The following FBXL8 variants were observed in gnomAD, a reference collection of about 807,000 sequenced individuals.
FBXL8 encodes F-box/LRR-repeat protein 8.
FBXL8 carries 13 observed loss-of-function variants against 8.2 expected under a neutral mutation model. The observed-to-expected ratio is 1.58, with a 90% CI of 1.03 to 2.51. FBXL8 has a LOEUF of 2.51. FBXL8 is among the 30% of genes most tolerant of loss of function. FBXL8 has a pLI of 0.00. For missense variants in FBXL8, 565 were observed against 540.4 expected, an observed-to-expected ratio of 1.05 and a Z score of -0.45; for synonymous variants, 271 against 260.5, an observed-to-expected ratio of 1.04 and a Z score of -0.39.
rs753671438 is a variant in FBXL8, at chr16:67,160,827, C to A, written c.-52+771C>A. On this transcript the variant is annotated intron_variant, in intron 1 of 2. Coordinates refer to ENST00000258200, the MANE Select transcript of FBXL8 (RefSeq NM_018378.3). ...CAGGGTGGGTCTGCGGAGTTCCAGCCGAACCCAAATTGCTCAGCGGGAGCC... is the reference window on the plus strand; with the variant it reads ...CAGGGTGGGTCTGCGGAGTTCCAGCAGAACCCAAATTGCTCAGCGGGAGCC... 1.3e-4 allele frequency among the ~76,000 whole-genome samples: 20 copies of A among 152,262 alleles called. 1 individual carries two copies. The highest frequency in any genetic ancestry group is 2.5e-4 in the Non-Finnish European group (17 of 68,042).
In FBXL8 at chr16:67,163,686, C is replaced by A. The variant is rs746168605; in HGVS notation, c.991C>A (p.Arg331Ser). The A allele has an allele frequency of 4.4e-6, 7 of 1,586,354 alleles. No homozygotes were observed. Among genetic ancestry groups the A allele is most frequent in the Non-Finnish European group, 6.0e-6 (7 of 1,174,148 alleles). The change falls in exon 3 of 3, where the codon CGC (arginine) becomes AGC (serine). Residue 331 changes from arginine to serine, a missense_variant. Physicochemically the swap from Arg to Ser is moderately radical, Grantham distance 110. Transcript: ENST00000258200. ...GCTGGCGGCGCGCTGCGCGGCCCTGCGCGAGGTGCATTGTTTCTGCGTGGT... is the reference window on the plus strand; with the variant it reads ...GCTGGCGGCGCGCTGCGCGGCCCTGAGCGAGGTGCATTGTTTCTGCGTGGT... ...EELAARCAAL[R>S]EVHCFCVVSH...
rs762161864 is a variant in FBXL8 at position 67,163,726 on chromosome 16, T to C, written c.1031T>C (p.Leu344Pro). The C allele has an allele frequency of 4.4e-6, 7 of 1,596,468 alleles. No homozygotes were observed. Among genetic ancestry groups the C allele is most frequent in the African/African-American group, 4.0e-5 (3 of 74,560 alleles). The stretch of plus-strand genomic sequence containing the variant: ...TTCTGCGTGGTGAGCCACTCGGTGC[T>C]GGACGCCTTCCGCGCGCACTGCCCG... ...HCFCVVSHSV[L>P]DAFRAHCPRL... The change falls in exon 3 of 3, where the codon CTG becomes CCG. Residue 344 changes from leucine (L) to proline (P), a missense_variant. Leu to Pro is a moderately conservative substitution (Grantham distance 98, BLOSUM62 -3). Coordinates refer to ENST00000258200, the MANE Select transcript of FBXL8 (RefSeq NM_018378.3).
At chr16:67,161,606 G>A (rs2030905207) in intron 1 of FBXL8, 129 bp from the exon 2 acceptor site, 1 of 644,526 alleles carries the variant, frequency 1.6e-6, no homozygotes, top group African/African-American at 1.9e-5. Context: ...AAGTTTCGGG[G>A]TTATCTGATG....
At position 67,160,052 on chromosome 16, in the gene FBXL8, A is replaced by G. The variant is rs2030849267; in HGVS notation, c.-56A>G. On this transcript the variant is annotated 5_prime_UTR_variant, in exon 1 of 3. Transcript: ENST00000258200. ...CGGGCAAAGCCCATCTGGTCCGCCG[A>G]GCAGGTAAGACACCAGCGCCCAAGG... 1 of 152,198 alleles carries G rather than the reference A, an allele frequency of 6.6e-6. No individual in the cohort carries two copies. Among genetic ancestry groups the G allele is most frequent in the African/African-American group, 2.4e-5 (1 of 41,448 alleles). 9.4% of individuals were successfully genotyped at this position (152,198 alleles called of 1,614,324 possible).
In FBXL8 at chr16:67,163,802, G is replaced by A. The variant is rs772347492; in HGVS notation, c.1107G>A (p.Arg369=). Residue 369 remains arginine, a synonymous_variant, in exon 3 of 3, where the codon AGG becomes AGA. Transcript: ENST00000258200. ...TCACGCGCGAGCCGCATCCCTGGAG[G>A]CCTACGCTCGTGGCGTGATTGGGCG... ...LKLTREPHPW[R]PTLVA is the part of the protein sequence containing the mutation. 6.4e-7 allele frequency: 1 copy of A among 1,557,338 alleles called. No individual in the cohort carries two copies. The highest frequency in any genetic ancestry group is 1.2e-5 in the South Asian group (1 of 85,340).
chr16:67,161,984 C>T, intron 2 of FBXL8, 47 bp downstream of exon 2: 1 of 1,539,616 alleles, frequency 6.5e-7, no homozygotes, highest in Non-Finnish European at 8.8e-7. Flanking sequence ...CACTCACCTT[C>T]TCCGTGGAGT....
Position 67,163,630 on chromosome 16 carries a change from C to G in FBXL8, c.935C>G (p.Ala312Gly). Residue 312 changes from alanine (A) to glycine (G), a missense_variant, in exon 3 of 3, where the codon GCT (alanine) becomes GGT (glycine). Coordinates refer to ENST00000258200, the MANE Select transcript of FBXL8 (RefSeq NM_018378.3). ...TGCGCGCTCGAGGTGCGCGCAGCCG[C>G]TTCGGCCGAGCTGAACGCCGCGCTG... is the stretch of plus-strand genomic sequence containing the variant. ...TLCALEVRAA[A>G]SAELNAALEE... The G allele has an allele frequency of 1.3e-6, 2 of 1,565,598 alleles. No individual in the cohort carries two copies. The highest frequency in any genetic ancestry group is 1.7e-6 in the Non-Finnish European group (2 of 1,165,712).
In FBXL8 at chr16:67,163,432, G is replaced by C; in HGVS notation, c.737G>C (p.Arg246Pro). The change falls in exon 3 of 3, where the codon CGC becomes CCC. Residue 246 changes from arginine to proline, a missense_variant. Arg to Pro is a moderately radical substitution (Grantham distance 103, BLOSUM62 -2). Coordinates refer to ENST00000258200, the MANE Select transcript of FBXL8 (RefSeq NM_018378.3). ...CCCAACGAAGCCTGGGTCGCGTTGC[G>C]CCGCCGCCACCCTGGGCTGGCAGTG... ...PLPNEAWVAL[R>P]RRHPGLAVEL... 1 of 1,535,952 alleles carries C rather than the reference G, an allele frequency of 6.5e-7. No individual in the cohort carries two copies. Among genetic ancestry groups the C allele is most frequent in the Non-Finnish European group, 8.7e-7 (1 of 1,146,780 alleles).
intron 1 of FBXL8, 25 bp from the exon 2 acceptor site, chr16:67,161,710 C>T (rs774962808): frequency 3.4e-5 from 50 of 1,456,042 alleles, no homozygotes; most frequent in Admixed American, 7.5e-5. Flanking sequence ...CCTTCCCGAC[C>T]TCAGAGACGT....
Position 67,163,666 on chromosome 16 carries a change from C to T in FBXL8, c.971C>T (p.Ala324Val), listed in dbSNP as rs1202873584. Residue 324 changes from alanine (A) to valine (V), a missense_variant, in exon 3 of 3, where the codon GCG becomes GTG. Coordinates refer to ENST00000258200, the MANE Select transcript of FBXL8 (RefSeq NM_018378.3). ...CTGAACGCCGCGCTGGAGGAGCTGG[C>T]GGCGCGCTGCGCGGCCCTGCGCGAG... is the stretch of plus-strand genomic sequence containing the variant. Reference protein sequence around the residue: ...AELNAALEELAARCAALREVH... With the variant: ...AELNAALEELVARCAALREVH... 2 of 1,572,928 alleles carry T rather than the reference C, an allele frequency of 1.3e-6. No homozygotes were observed. The highest frequency in any genetic ancestry group is 1.1e-5 in the South Asian group (1 of 88,184).
In FBXL8 at chr16:67,163,347, C is replaced by A; in HGVS notation, c.652C>A (p.Pro218Thr). The A allele has an allele frequency of 6.4e-7, 1 of 1,558,686 alleles. No individual in the cohort carries two copies. Among genetic ancestry groups the A allele is most frequent in the South Asian group, 1.2e-5 (1 of 86,692 alleles). The change falls in exon 3 of 3, where the codon CCT becomes ACT. Residue 218 changes from proline (P) to threonine (T), a missense_variant. Physicochemically the swap from Pro to Thr is conservative, Grantham distance 38. Coordinates refer to ENST00000258200, the MANE Select transcript of FBXL8 (RefSeq NM_018378.3). ...AGCACTGGCGGCGCCAGACCGAGCG[C>A]CTTTCGCGCTCTTGGCTCTGCGGTG... ...LEALAAPDRA[P>T]FALLALRCAC... is the part of the protein sequence containing the mutation.
At position 67,161,357 on chromosome 16, in the gene FBXL8, T is replaced by A. The variant is rs542735741; in HGVS notation, c.-51-378T>A. 1.7e-3 allele frequency: 278 copies of A among 161,904 alleles called. 2 individuals carry two copies. The highest frequency in any genetic ancestry group is 2.8e-3 in the Non-Finnish European group (206 of 74,340). The allele number at this position is 161,904 out of a possible 1,614,324, so 10.0% of individuals were successfully genotyped here. The stretch of plus-strand genomic sequence containing the variant: ...ACTCGGGAGGCTGAGGTGGGAGGAT[T>A]GCTTGAGCCCGGGAGACTGAGGGTG... On this transcript the variant is annotated intron_variant, in intron 1 of 2. Transcript: ENST00000258200.
chr16:67,163,330 C>A lies in FBXL8; in HGVS notation c.635C>A (p.Ala212Glu), dbSNP rs766825950. 2 of 1,568,492 alleles carry A rather than the reference C, an allele frequency of 1.3e-6. No homozygotes were observed. Among genetic ancestry groups the A allele is most frequent in the Non-Finnish European group, 1.7e-6 (2 of 1,161,146 alleles). Residue 212 changes from alanine (A) to glutamate (E), a missense_variant, in exon 3 of 3, where the codon GCG (alanine) becomes GAG (glutamate). Coordinates refer to ENST00000258200, the MANE Select transcript of FBXL8 (RefSeq NM_018378.3). ...SLSHAILEAL[A>E]APDRAPFALL... ...TCGCACGCCATCCTCGAAGCACTGG[C>A]GGCGCCAGACCGAGCGCCTTTCGCG... is the stretch of plus-strand genomic sequence containing the variant.
chr16:67,160,584 G>A (rs950607916), intron 1 of FBXL8, among the ~76,000 whole-genome samples: 10 of 152,146 alleles, frequency 6.6e-5, no homozygotes, highest in African/African-American at 2.4e-4. Context: ...GGTGGCGCGC[G>A]CCTGGAGTCC....
In FBXL8 at chr16:67,163,702, T is replaced by C. The variant is rs2031031586; in HGVS notation, c.1007T>C (p.Phe336Ser). 9.4e-6 allele frequency: 15 copies of C among 1,593,924 alleles called. No individual in the cohort carries two copies. The highest frequency in any genetic ancestry group is 1.7e-5 in the Admixed American group (1 of 59,394). ...GCGGCCCTGCGCGAGGTGCATTGTT[T>C]CTGCGTGGTGAGCCACTCGGTGCTG... ...RCAALREVHCFCVVSHSVLDA... is the reference protein window; with the variant it reads ...RCAALREVHCSCVVSHSVLDA... The change falls in exon 3 of 3, where the codon TTC becomes TCC. Residue 336 changes from phenylalanine to serine, a missense_variant. By Grantham distance (155) the Phe-to-Ser change is radical. Coordinates refer to ENST00000258200, the MANE Select transcript of FBXL8 (RefSeq NM_018378.3).
Position 67,161,885 on chromosome 16 carries a change from G to A in FBXL8, c.100G>A (p.Ala34Thr). 1 of 1,610,810 alleles carries A rather than the reference G, an allele frequency of 6.2e-7. No individual in the cohort carries two copies. ...TGCTGCCGCCGCCAGGGTCTGCAGG[G>A]CCTGGGCCGCCGCTGCTACCTGCAG... ...DRAAAARVCR[A>T]WAAAATCSAV... Residue 34 changes from alanine to threonine, a missense_variant, in exon 2 of 3, where the codon GCC becomes ACC. Coordinates refer to ENST00000258200, the MANE Select transcript of FBXL8 (RefSeq NM_018378.3).
Position 67,162,675 on chromosome 16 carries a change from G to C in FBXL8, c.153-173G>C, listed in dbSNP as rs1597233583. The C allele has an allele frequency of 5.8e-6, 5 of 866,424 alleles. No individual in the cohort carries two copies. In the East Asian group the frequency reaches 1.3e-4, roughly 23 times the overall value. 53.7% of individuals were successfully genotyped at this position (866,424 alleles called of 1,614,324 possible). A position where few individuals can be genotyped will look rare whatever the true frequency, so the allele number is the denominator to read the frequency against. ...CAGACGCCACTGAAATCTTCTAAAA[G>C]GATAGGATGCGAGTTCCCTCCTTTG... On this transcript the variant is annotated intron_variant, in intron 2 of 2. Transcript: ENST00000258200.
Position 67,163,649 on chromosome 16 carries a change from C to T in FBXL8, c.954C>T (p.Ala318=), listed in dbSNP as rs757849613. 1.3e-6 allele frequency: 2 copies of T among 1,569,302 alleles called. No homozygotes were observed. The highest frequency in any genetic ancestry group is 1.8e-5 in the Admixed American group (1 of 55,562). The part of the protein sequence containing the change: ...VRAAASAELN[A]ALEELAARCA... ...CAGCCGCTTCGGCCGAGCTGAACGCCGCGCTGGAGGAGCTGGCGGCGCGCT... is the reference window on the plus strand; with the variant it reads ...CAGCCGCTTCGGCCGAGCTGAACGCTGCGCTGGAGGAGCTGGCGGCGCGCT... The change falls in exon 3 of 3, where the codon GCC becomes GCT. Residue 318 remains alanine, a synonymous_variant. Coordinates refer to ENST00000258200, the MANE Select transcript of FBXL8 (RefSeq NM_018378.3).
intron 2 of FBXL8, 43 bp downstream of exon 2, chr16:67,161,980 CCTT>C: frequency 6.5e-7 from 1 of 1,546,718 alleles, no homozygotes; most frequent in Non-Finnish European, 8.7e-7. Flanking sequence ...CGCCCACTCA[CCTT>C]CTCCGTGGAG....
Sources: gnomAD v4.1 joint callset for allele counts (sites outside exome capture counted in the v4.1 genomes callset) on GRCh38, gnomAD v4.1.1 for gene constraint, MANE v1.5 for transcripts, NCBI Gene and HGNC (gene_info 2026-07-23, HGNC 2026-07-21) for gene names.